STK32B: variants seen among roughly 807,000 people sequenced by gnomAD.
STK32B encodes the protein serine/threonine kinase 32B.
In STK32B, 43 loss-of-function variants were observed where a neutral mutation model predicts 52.6. The ratio of observed to expected loss-of-function variants is 0.82; its 90% CI spans 0.64 to 1.05. The LOEUF is 1.05. STK32B is among the 50% of genes least tolerant of loss of function. STK32B has a pLI of 0.00. For synonymous variants in STK32B, 238 were observed against 204.3 expected (o/e 1.17, Z -1.41); for missense variants, 621 against 534.6 (o/e 1.16, Z -1.59).
At chr4:5,447,516 G>C (rs941823293) in intron 7 of STK32B, among the ~76,000 whole-genome samples, 1 of 152,052 alleles carries the variant, frequency 6.6e-6, no homozygotes, top group African/African-American at 2.4e-5. Flanking sequence ...CTCGCTTGTA[G>C]TCTCAGCTAC....
chr4:5,375,949 C>G (rs1320852455), intron 4 of STK32B, among the ~76,000 whole-genome samples: 1 of 152,226 alleles, frequency 6.6e-6, no homozygotes, highest in Non-Finnish European at 1.5e-5. Context: ...CCCCTACCCA[C>G]TTACAGCCTA....
rs1426873831 is a variant in STK32B at position 5,312,933 on chromosome 4, C to T, written c.261-18287C>T. On this transcript the variant is annotated intron_variant, in intron 3 of 11. Coordinates refer to ENST00000282908, the MANE Select transcript of STK32B (RefSeq NM_018401.3). ...CAGTGTAAAAGTGTTCCTATTTCTC[C>T]ATATCCTCTCCAGCACCTGTGCATA... Among the ~76,000 whole-genome samples, 7 of 151,938 alleles carry T rather than the reference C, an allele frequency of 4.6e-5. No individual in the cohort carries two copies. In the East Asian group the frequency reaches 1.4e-3, roughly 29 times the overall value.
rs1737129708 is a variant in STK32B at position 5,399,258 on chromosome 4, G to A, written c.472+1014G>A. Among the ~76,000 whole-genome samples, 1 of 151,614 alleles carries A rather than the reference G, an allele frequency of 6.6e-6. No homozygotes were observed. Among genetic ancestry groups the A allele is most frequent in the Middle Eastern group, 3.2e-3 (1 of 314 alleles). ...AGTAGGGATTCTCATCCCTGCTGAG[G>A]CCTTCAGGGATGAATGAGTCACATT... is the stretch of plus-strand genomic sequence containing the variant. On this transcript the variant is annotated intron_variant, in intron 5 of 11. Coordinates refer to ENST00000282908, the MANE Select transcript of STK32B (RefSeq NM_018401.3). This position sits in a 1 kb window ranked among gnomAD's most constrained non-coding sequence, Gnocchi z 5.4.
chr4:5,448,659 G>A (rs1157737532), intron 7 of STK32B, among the ~76,000 whole-genome samples: 1 of 152,152 alleles, frequency 6.6e-6, no homozygotes, highest in Non-Finnish European at 1.5e-5. Context: ...GTTTTCTGCT[G>A]AAAGATCCAG....
At chr4:5,045,969 C>A in the STK32B span, among the ~76,000 whole-genome samples, 2 of 152,292 alleles carry the variant, frequency 1.3e-5, no homozygotes, top group African/African-American at 4.8e-5. Flanking sequence ...GAACTGTTTT[C>A]ATCAAACTAC....
At chr4:5,022,823 CAG>C in the STK32B span, among the ~76,000 whole-genome samples, 2 of 152,122 alleles carry the variant, frequency 1.3e-5, no homozygotes. Context: ...CAGTGAATGA[CAG>C]AGTTGCTATC....
chr4:5,116,135 G>A (rs1201328065), intron 1 of STK32B, among the ~76,000 whole-genome samples: 1 of 151,912 alleles, frequency 6.6e-6, no homozygotes, highest in Non-Finnish European at 1.5e-5. Flanking sequence ...AAACACTGCT[G>A]GTGCATCAGC....
At chr4:5,129,347 T>A (rs1270633524) in intron 1 of STK32B, among the ~76,000 whole-genome samples, 1 of 152,234 alleles carries the variant, frequency 6.6e-6, no homozygotes. Context: ...GCTGTTTTCT[T>A]CCCTCCACCT....
intron 1 of STK32B, among the ~76,000 whole-genome samples, chr4:5,100,677 CTTTCTTACTTTCTTTCT>C (rs1471690920): frequency 2.2e-3 from 82 of 37,616 alleles, no homozygotes; most frequent in African/African-American, 4.1e-3. Context: ...TCTTTCTTTC[CTTTCTTACTTTCTTTCT>C]TTCCTTCCTT....
chr4:5,319,019 T>C (rs1309157177), intron 3 of STK32B, among the ~76,000 whole-genome samples: 1 of 152,194 alleles, frequency 6.6e-6, no homozygotes, highest in Non-Finnish European at 1.5e-5. Flanking sequence ...TTTGCGAGGA[T>C]GGTCTCGATC....
At position 5,233,175 on chromosome 4, in the gene STK32B, G is replaced by A. The variant is rs149723747; in HGVS notation, c.260+64725G>A. On this transcript the variant is annotated intron_variant, in intron 3 of 11. Coordinates refer to ENST00000282908, the MANE Select transcript of STK32B (RefSeq NM_018401.3). The stretch of plus-strand genomic sequence containing the variant: ...CAAGGACTTGTGAAGGTTTGGAGTA[G>A]CAGCAATGGGGAATGGACAGGTTTA... 2.5e-3 allele frequency among the ~76,000 whole-genome samples: 374 copies of A among 152,290 alleles called. 1 individual carries two copies. Among genetic ancestry groups the A allele is most frequent in the African/African-American group, 8.7e-3 (360 of 41,560 alleles).
chr4:5,453,131 C>G lies in STK32B; in HGVS notation c.667-3676C>G, dbSNP rs937352664. On this transcript the variant is annotated intron_variant, in intron 7 of 11. Transcript: ENST00000282908. This position sits in a 1 kb window ranked among gnomAD's most constrained non-coding sequence, Gnocchi z 4.0. Reference sequence around the variant, plus strand: ...CTCATTTCTAAATGTATTTCCTGCACTGGCTTCCTAGTGCATTGGAGTTAT... The same window carrying G: ...CTCATTTCTAAATGTATTTCCTGCAGTGGCTTCCTAGTGCATTGGAGTTAT... 6.6e-6 allele frequency among the ~76,000 whole-genome samples: 1 copy of G among 152,078 alleles called. No individual in the cohort carries two copies. The highest frequency in any genetic ancestry group is 1.5e-5 in the Non-Finnish European group (1 of 68,028).
intron 1 of STK32B, among the ~76,000 whole-genome samples, chr4:5,102,731 T>TA (rs1713878402): frequency 6.6e-6 from 1 of 151,026 alleles, no homozygotes; most frequent in African/African-American, 2.4e-5. Flanking sequence ...TTAGTAGAGA[T>TA]ACGGTTTTAC....
intron 1 of STK32B, among the ~76,000 whole-genome samples, chr4:5,106,450 AT>A (rs1714112252): frequency 6.6e-6 from 1 of 152,152 alleles, no homozygotes; most frequent in Non-Finnish European, 1.5e-5. Context: ...TATTCTCAGT[AT>A]TCCCCTAGAA....
intron 2 of STK32B, among the ~76,000 whole-genome samples, chr4:5,143,128 T>TGTCC (rs766306720): frequency 0.011 from 1,742 of 151,976 alleles, 29 homozygotes; most frequent in Non-Finnish European, 0.016. Context: ...TCTGTCTGTC[T>TGTCC]GTCTATCTGT....
chr4:5,208,646 T>G (rs1577195499), intron 3 of STK32B, among the ~76,000 whole-genome samples: 1 of 152,242 alleles, frequency 6.6e-6, no homozygotes, highest in South Asian at 2.1e-4. Flanking sequence ...GACTCATATC[T>G]CCCTGCTTGA....
At chr4:5,446,150 C>A (rs1334070761) in intron 6 of STK32B, among the ~76,000 whole-genome samples, 1 of 152,210 alleles carries the variant, frequency 6.6e-6, no homozygotes, top group Non-Finnish European at 1.5e-5. Context: ...TGCATTCCAC[C>A]CGGTAGTGTC....
chr4:5,479,406 A>C (rs1718509834), intron 11 of STK32B, among the ~76,000 whole-genome samples: 1 of 152,160 alleles, frequency 6.6e-6, no homozygotes, highest in South Asian at 2.1e-4. Flanking sequence ...GGCGTGAGCC[A>C]CCATGCCCGG....
At chr4:5,040,774 G>A in the STK32B span, among the ~76,000 whole-genome samples, 1 of 152,132 alleles carries the variant, frequency 6.6e-6, no homozygotes, top group African/African-American at 2.4e-5. Flanking sequence ...TTCACCATGG[G>A]ACATGGTCTG....
Sources: allele counts gnomAD v4.1 joint callset (sites outside exome capture counted in the v4.1 genomes callset), GRCh38; gene constraint gnomAD v4.1.1; non-coding constraint Gnocchi (gnomAD v3.1); transcripts MANE v1.5; gene names NCBI Gene and HGNC (gene_info 2026-07-23, HGNC 2026-07-21).